P4HA2: variants seen among roughly 807,000 people sequenced by gnomAD.
P4HA2 encodes the protein prolyl 4-hydroxylase subunit alpha 2.
P4HA2 carries 46 observed loss-of-function variants against 76.9 expected under a neutral mutation model. The observed-to-expected ratio is 0.60, with a 90% CI of 0.47 to 0.76. The LOEUF is 0.76. Ranked by LOEUF, P4HA2 falls within the 30% of genes least tolerant of loss-of-function variation. The pLI, the probability that P4HA2 is intolerant of heterozygous loss-of-function variation, is 0.00. For missense variants in P4HA2, 583 were observed against 669.4 expected (o/e 0.87, Z 1.42); for synonymous variants, 243 against 254.0 (o/e 0.96, Z 0.41).
chr5:132,206,523 T>C (rs779679239), intron 8 of P4HA2, among the ~76,000 whole-genome samples: 4 of 152,120 alleles, frequency 2.6e-5, no homozygotes, highest in Admixed American at 2.6e-4. Context: ...AGCAGAGCAA[T>C]AGAGAATCGA....
In P4HA2 at chr5:132,195,464, G is replaced by A. The variant is rs758378356; in HGVS notation, c.1382C>T (p.Ala461Val). Residue 461 changes from alanine to valine, a missense_variant, in exon 13 of 15, where the codon GCT becomes GTT. Physicochemically the swap from Ala to Val is moderately conservative, Grantham distance 64 (BLOSUM62 0). Coordinates refer to ENST00000360568, the MANE Select transcript of P4HA2 (RefSeq NM_001017974.2). ...ATCAGGGAAGACGGTGGCACCACCA[G>A]CTTCTACATCACTCATCTGGAAATA... ...TFLNYMSDVE[A>V]GGATVFPDLG... is the part of the protein sequence containing the mutation. The A allele has an allele frequency of 1.2e-6, 2 of 1,612,876 alleles. No homozygotes were observed. Among genetic ancestry groups the A allele is most frequent in the Non-Finnish European group, 8.5e-7 (1 of 1,178,874 alleles).
At chr5:132,214,652 C>G (rs1487366315) in intron 4 of P4HA2, among the ~76,000 whole-genome samples, 1 of 152,126 alleles carries the variant, frequency 6.6e-6, no homozygotes, top group East Asian at 1.9e-4. Flanking sequence ...TCCCCCTCCC[C>G]CTAGGTTGAC....
At chr5:132,198,208 A>G (rs765423662) in intron 12 of P4HA2, 113 bp downstream of exon 12, 1 of 1,614,184 alleles carries the variant, frequency 6.2e-7, no homozygotes, top group Non-Finnish European at 8.5e-7. Flanking sequence ...ATACTCACGT[A>G]GTTTAAGAAA....
intron 8 of P4HA2, among the ~76,000 whole-genome samples, chr5:132,205,434 C>T (rs79797482): frequency 0.019 from 2,914 of 152,044 alleles, 98 homozygotes; most frequent in African/African-American, 0.065. Flanking sequence ...TTGTGGCCAA[C>T]GAGAAATGGG....
At chr5:132,210,718 T>G (rs907923808) in intron 5 of P4HA2, among the ~76,000 whole-genome samples, 195 bp from the exon 6 acceptor site, 6 of 152,098 alleles carry the variant, frequency 3.9e-5, no homozygotes, top group African/African-American at 1.4e-4. Flanking sequence ...TGCCCTGGAC[T>G]GGGGTTCACA....
intron 4 of P4HA2, among the ~76,000 whole-genome samples, chr5:132,214,478 C>G (rs1179524077): frequency 2.0e-5 from 3 of 152,132 alleles, no homozygotes; most frequent in Non-Finnish European, 4.4e-5. Flanking sequence ...AACCTTGATC[C>G]AGGGTAATTG....
At chr5:132,221,893 G>A (rs188303444) in intron 1 of P4HA2, among the ~76,000 whole-genome samples, 2 of 152,322 alleles carry the variant, frequency 1.3e-5, no homozygotes, top group Admixed American at 1.3e-4. Flanking sequence ...CAGGCGACTG[G>A]CACTGTTTCT....
In P4HA2 at chr5:132,217,801, G is replaced by A; in HGVS notation, c.130C>T (p.Leu44=). 1 of 1,613,522 alleles carries A rather than the reference G, an allele frequency of 6.2e-7. No homozygotes were observed. Among genetic ancestry groups the A allele is most frequent in the East Asian group, 2.2e-5 (1 of 44,876 alleles). Residue 44 remains leucine, a synonymous_variant, in exon 3 of 15, where the codon CTG becomes TTG. Coordinates refer to ENST00000360568, the MANE Select transcript of P4HA2 (RefSeq NM_001017974.2). ...TCCTCCACAAGGATGTACTCTTTCAGAGACTGCACCAGCTCTTTCTCTGCA... is the reference window on the plus strand; with the variant it reads ...TCCTCCACAAGGATGTACTCTTTCAAAGACTGCACCAGCTCTTTCTCTGCA... ...IYAEKELVQS[L]KEYILVEEAK... is the part of the protein sequence containing the mutation.
chr5:132,199,370 C>G (rs1329590684), intron 10 of P4HA2: 1 of 169,604 alleles, frequency 5.9e-6, no homozygotes, highest in East Asian at 1.7e-4. Flanking sequence ...TTTGGAGGTA[C>G]TCAGCACCTG....
intron 1 of P4HA2, among the ~76,000 whole-genome samples, chr5:132,221,315 G>A (rs775519541): frequency 7.2e-5 from 11 of 152,196 alleles, no homozygotes; most frequent in Non-Finnish European, 1.5e-4. Flanking sequence ...GACATCTTGA[G>A]CAGAAAACCA....
intron 1 of P4HA2, among the ~76,000 whole-genome samples, chr5:132,225,174 A>C (rs1755201695): frequency 6.6e-6 from 1 of 152,134 alleles, no homozygotes; most frequent in Non-Finnish European, 1.5e-5. Flanking sequence ...ACCCTAAGGA[A>C]CTTCAAATGT....
At chr5:132,226,303 C>G (rs566142421) in intron 1 of P4HA2, among the ~76,000 whole-genome samples, 1 of 152,302 alleles carries the variant, frequency 6.6e-6, no homozygotes, top group East Asian at 1.9e-4. Context: ...TACAACGTAA[C>G]GGACTCCAGC....
At chr5:132,225,049 GAAAAAAA>G (rs371037185) in intron 1 of P4HA2, among the ~76,000 whole-genome samples, 3 of 116,642 alleles carry the variant, frequency 2.6e-5, no homozygotes, top group Non-Finnish European at 5.2e-5. Flanking sequence ...CTGCTCTGAG[GAAAAAAA>G]AAAAAAAAAA....
At chr5:132,206,976 T>C (rs1271486119) in intron 8 of P4HA2, among the ~76,000 whole-genome samples, 3 of 152,338 alleles carry the variant, frequency 2.0e-5, no homozygotes, top group Admixed American at 2.0e-4. Flanking sequence ...GACAGTGACA[T>C]CATTATGAGC....
At chr5:132,195,662 G>A (rs2126530127) in intron 12 of P4HA2, 182 bp from the exon 13 acceptor site, 1 of 629,208 alleles carries the variant, frequency 1.6e-6, no homozygotes, top group Non-Finnish European at 2.9e-6. Flanking sequence ...CTTAACCAGT[G>A]TGATTCATTA....
intron 5 of P4HA2, among the ~76,000 whole-genome samples, chr5:132,210,839 G>A (rs923531881): frequency 6.6e-6 from 1 of 152,152 alleles, no homozygotes; most frequent in Non-Finnish European, 1.5e-5. Flanking sequence ...AAGGTCCTGT[G>A]GACCACAGAG....
At chr5:132,222,781 G>A (rs1418246211) in intron 1 of P4HA2, among the ~76,000 whole-genome samples, 1 of 152,210 alleles carries the variant, frequency 6.6e-6, no homozygotes, top group African/African-American at 2.4e-5. Context: ...CATGAATAGT[G>A]GTTGACTTCC....
At chr5:132,198,487 A>G in intron 11 of P4HA2, 107 bp from the exon 12 acceptor site, 1 of 1,050,966 alleles carries the variant, frequency 9.5e-7, no homozygotes, top group South Asian at 1.4e-5. Context: ...GTGTTCCATA[A>G]ATCAGCCTGG....
At chr5:132,220,557 A>C (rs995771388) in intron 1 of P4HA2, among the ~76,000 whole-genome samples, 2 of 152,244 alleles carry the variant, frequency 1.3e-5, no homozygotes, top group South Asian at 4.1e-4. Context: ...TAGAGGCCAG[A>C]TAAATTCCAG....
Sources: gnomAD v4.1 joint callset for allele counts (sites outside exome capture counted in the v4.1 genomes callset) on GRCh38, gnomAD v4.1.1 for gene constraint, MANE v1.5 for transcripts, NCBI Gene and HGNC (gene_info 2026-07-23, HGNC 2026-07-21) for gene names.